The following TRPM6 variants were observed in gnomAD, a reference collection of about 807,000 sequenced individuals.
TRPM6 encodes channel kinase 2.
A neutral mutation model predicts 247.6 loss-of-function variants in TRPM6; 111 were observed. The ratio of observed to expected loss-of-function variants is 0.45; its 90% CI spans 0.38 to 0.52. The LOEUF is 0.52. TRPM6 is among the 20% of genes least tolerant of loss of function. TRPM6 has a pLI of 0.00. For missense variants in TRPM6, 2,126 were observed against 2,421.5 expected, an observed-to-expected ratio of 0.88 and a Z score of 2.56; for synonymous variants, 892 against 853.8, an observed-to-expected ratio of 1.04 and a Z score of -0.78.
chr9:74,850,351 G>A (rs1364067105), intron 3 of TRPM6, among the ~76,000 whole-genome samples: 2 of 151,828 alleles, frequency 1.3e-5, no homozygotes, highest in Non-Finnish European at 2.9e-5. Flanking sequence ...CAGCCTGGGC[G>A]ACAGAGGGAG....
intron 16 of TRPM6, among the ~76,000 whole-genome samples, chr9:74,800,907 T>G (rs796967715): frequency 2.7e-5 from 4 of 149,576 alleles, no homozygotes; most frequent in South Asian, 2.1e-4. Flanking sequence ...AAAGTGTGTT[T>G]TTTTTTTTTT....
intron 7 of TRPM6, 71 bp from the exon 8 acceptor site, chr9:74,821,908 C>T: frequency 6.4e-7 from 1 of 1,553,908 alleles, no homozygotes; most frequent in Non-Finnish European, 8.8e-7. Flanking sequence ...GTTTTGACTT[C>T]CAGACACAAG....
chr9:74,729,362 G>T (rs930973399), intron 37 of TRPM6, among the ~76,000 whole-genome samples: 1 of 152,170 alleles, frequency 6.6e-6, no homozygotes, highest in African/African-American at 2.4e-5. Context: ...TTCCATCCAA[G>T]GATTGAAACA....
At chr9:74,887,532 C>T (rs1433727710) in intron 1 of TRPM6, 8 of 1,286,258 alleles carry the variant, frequency 6.2e-6, no homozygotes, top group Non-Finnish European at 8.7e-6. Context: ...GAACCCCCGA[C>T]CCCCGCTAGG....
intron 27 of TRPM6, among the ~76,000 whole-genome samples, chr9:74,759,755 T>C (rs1005036726): frequency 6.6e-6 from 1 of 151,936 alleles, no homozygotes; most frequent in African/African-American, 2.4e-5. Context: ...TCATAGACTA[T>C]AAAAGAAAAG....
In TRPM6 at chr9:74,762,652, T is replaced by A. The variant is rs1202131044; in HGVS notation, c.4019A>T (p.Lys1340Met). 2.5e-6 allele frequency: 4 copies of A among 1,614,220 alleles called. No individual in the cohort carries two copies. The highest frequency in any genetic ancestry group is 1.6e-4 in the Middle Eastern group (1 of 6,062). The change falls in exon 26 of 39, where the codon AAG becomes ATG. Residue 1340 changes from lysine to methionine, a missense_variant. Coordinates refer to ENST00000360774, the MANE Select transcript of TRPM6 (RefSeq NM_017662.5). ...GGGGACCAGAAGAAACTGGCCATAC[T>A]TTGAGTGTGCTTGCCTGTTAGGAGA... Reference protein sequence around the residue: ...GVSPNRQAHSKYGQFLLVPSN... With the variant: ...GVSPNRQAHSMYGQFLLVPSN...
intron 1 of TRPM6, among the ~76,000 whole-genome samples, chr9:74,859,216 C>T (rs2118366449): frequency 6.6e-6 from 1 of 152,304 alleles, no homozygotes; most frequent in Non-Finnish European, 1.5e-5. Context: ...AGATTCGATA[C>T]ACATTCTGCA....
chr9:74,782,579 C>A, intron 22 of TRPM6, 100 bp downstream of exon 22: 1 of 1,513,386 alleles, frequency 6.6e-7, no homozygotes, highest in South Asian at 1.1e-5. Context: ...ACCATAAATT[C>A]AAACATTTTT....
chr9:74,765,049 G>A (rs1826782297), intron 25 of TRPM6, among the ~76,000 whole-genome samples: 1 of 152,148 alleles, frequency 6.6e-6, no homozygotes, highest in Non-Finnish European at 1.5e-5. Context: ...CTCAGTGGTA[G>A]CAAGGATGGA....
intron 3 of TRPM6, among the ~76,000 whole-genome samples, chr9:74,855,184 A>G (rs184020216): frequency 6.6e-6 from 1 of 152,244 alleles, no homozygotes; most frequent in African/African-American, 2.4e-5. Flanking sequence ...TATGCATACA[A>G]GGCACCTGCA....
intron 24 of TRPM6, among the ~76,000 whole-genome samples, chr9:74,775,153 C>T (rs944791548): frequency 3.9e-5 from 6 of 152,144 alleles, no homozygotes; most frequent in Admixed American, 3.9e-4. Context: ...TTAGGAAAAC[C>T]TCAAAATATA....
At position 74,792,645 on chromosome 9, in the gene TRPM6, A is replaced by G. The variant is rs1057515640; in HGVS notation, c.2517T>C (p.Ile839=). The G allele has an allele frequency of 6.2e-7, 1 of 1,614,122 alleles. No individual in the cohort carries two copies. Among genetic ancestry groups the G allele is most frequent in the Non-Finnish European group, 8.5e-7 (1 of 1,180,004 alleles). The change falls in exon 19 of 39, where the codon ATT becomes ATC. Residue 839 remains isoleucine, a synonymous_variant. Coordinates refer to ENST00000360774, the MANE Select transcript of TRPM6 (RefSeq NM_017662.5). ...RKVYEFYSAP[I]VKFWFYTMAY... ...CAACCGTATAAAACCAAAACTTGAC[A>G]ATTGGAGCACTGTAGAACTCATAGA...
chr9:74,879,321 T>A (rs1831287470), intron 1 of TRPM6, among the ~76,000 whole-genome samples: 1 of 150,010 alleles, frequency 6.7e-6, no homozygotes, highest in South Asian at 2.1e-4. Context: ...TTTATATATA[T>A]ATGATTTATA....
chr9:74,780,641 G>T (rs1335532325), intron 23 of TRPM6, among the ~76,000 whole-genome samples: 1 of 152,094 alleles, frequency 6.6e-6, no homozygotes, highest in Admixed American at 6.5e-5. Context: ...AAGAATATAG[G>T]GAGTCAAAGA....
In TRPM6 at chr9:74,744,124, C is replaced by T. The variant is rs767669016; in HGVS notation, c.5105G>A (p.Ser1702Asn). 4 of 1,613,988 alleles carry T rather than the reference C, an allele frequency of 2.5e-6. No homozygotes were observed. The highest frequency in any genetic ancestry group is 2.5e-6 in the Non-Finnish European group (3 of 1,179,968). The change falls in exon 32 of 39, where the codon AGC becomes AAC. Residue 1702 changes from serine (S) to asparagine (N), a missense_variant. Ser to Asn is a conservative substitution (Grantham distance 46, BLOSUM62 1). This residue lies in a region of TRPM6 where 327 missense variants were observed against 397.7 expected (regional missense o/e 0.82). Coordinates refer to ENST00000360774, the MANE Select transcript of TRPM6 (RefSeq NM_017662.5). Reference protein sequence around the residue: ...GVDKISASLKSPQEPHHHYSA... With the variant: ...GVDKISASLKNPQEPHHHYSA... Reference sequence around the variant, plus strand: ...ATAATGATGGTGAGGCTCTTGAGGGCTTTTTAAGGAGGCTGAGATCTCTGA... The same window carrying T: ...ATAATGATGGTGAGGCTCTTGAGGGTTTTTTAAGGAGGCTGAGATCTCTGA...
chr9:74,820,164 C>A (rs891473952), intron 9 of TRPM6, 140 bp downstream of exon 9: 22 of 905,320 alleles, frequency 2.4e-5, no homozygotes, highest in Admixed American at 1.4e-4. Context: ...TCTCCCTCCC[C>A]CCTCCACCCT....
intron 2 of TRPM6, among the ~76,000 whole-genome samples, chr9:74,858,127 G>A (rs374813353): frequency 6.4e-4 from 98 of 152,300 alleles, no homozygotes; most frequent in African/African-American, 2.3e-3. Context: ...GGTGGCTCAC[G>A]CCTGTAATCC....
At chr9:74,841,537 T>C (rs757010715) in intron 4 of TRPM6, among the ~76,000 whole-genome samples, 4 of 152,088 alleles carry the variant, frequency 2.6e-5, no homozygotes, top group Admixed American at 2.0e-4. Flanking sequence ...TGAAGTCTTA[T>C]GCTGTCGCCC....
At chr9:74,863,874 C>T (rs1341189271) in intron 1 of TRPM6, among the ~76,000 whole-genome samples, 1 of 146,334 alleles carries the variant, frequency 6.8e-6, no homozygotes, top group Non-Finnish European at 1.5e-5. Context: ...GCATGAGCCA[C>T]CGCGCCCGGC....
Sources: allele counts gnomAD v4.1 joint callset (sites outside exome capture counted in the v4.1 genomes callset), GRCh38; gene constraint gnomAD v4.1.1; regional missense constraint gnomAD v4.1.1; transcripts MANE v1.5; gene names NCBI Gene and HGNC (gene_info 2026-07-23, HGNC 2026-07-21).